EPB41L4A: variants seen among roughly 807,000 people sequenced by gnomAD.
EPB41L4A encodes the protein erythrocyte membrane protein band 4.1 like 4A.
In EPB41L4A, 100 loss-of-function variants were observed where a neutral mutation model predicts 108.6. That is an observed-to-expected ratio of 0.92 (90% CI 0.78 to 1.09). The LOEUF is 1.09. EPB41L4A is among the 50% of genes least tolerant of loss of function. The probability of loss-of-function intolerance (pLI) is 0.00; values close to 1 mark genes in which losing one functional copy is unlikely to be tolerated. For missense variants in EPB41L4A, 1,030 were observed against 842.7 expected, an observed-to-expected ratio of 1.22 and a Z score of -2.75; for synonymous variants, 319 against 289.0, an observed-to-expected ratio of 1.10 and a Z score of -1.05.
chr5:112,366,485 C>T (rs919096298), intron 1 of EPB41L4A, among the ~76,000 whole-genome samples: 2 of 152,056 alleles, frequency 1.3e-5, no homozygotes, highest in Non-Finnish European at 2.9e-5. Context: ...CAACACCACA[C>T]TTGGAAGAGC....
chr5:112,312,874 A>C (rs1284829469), intron 1 of EPB41L4A, among the ~76,000 whole-genome samples: 1 of 152,226 alleles, frequency 6.6e-6, no homozygotes, highest in East Asian at 1.9e-4. Context: ...CTTCAGGTCC[A>C]GAAGAAATCA....
intron 1 of EPB41L4A, among the ~76,000 whole-genome samples, chr5:112,341,174 G>C (rs1406957986): frequency 6.6e-6 from 1 of 152,036 alleles, no homozygotes; most frequent in Non-Finnish European, 1.5e-5. Context: ...ATGGGAACAG[G>C]GACTTTTCAG....
intron 15 of EPB41L4A, among the ~76,000 whole-genome samples, chr5:112,203,194 A>G (rs573439486): frequency 6.6e-6 from 1 of 152,082 alleles, no homozygotes; most frequent in South Asian, 2.1e-4. Flanking sequence ...TATCCCTACT[A>G]AAAATAAAAA....
chr5:112,200,987 C>G (rs1261730181), intron 15 of EPB41L4A, among the ~76,000 whole-genome samples: 18 of 152,112 alleles, frequency 1.2e-4, no homozygotes, highest in Non-Finnish European at 1.5e-5. Flanking sequence ...AATTTAAGTC[C>G]TTGAGATTCT....
intron 2 of EPB41L4A, among the ~76,000 whole-genome samples, chr5:112,297,018 C>T (rs1754033651): frequency 6.6e-6 from 1 of 150,378 alleles, no homozygotes; most frequent in African/African-American, 2.5e-5. Flanking sequence ...CACACACACA[C>T]ACCACAGTTT....
At chr5:112,392,587 A>C (rs932029834) in intron 1 of EPB41L4A, 2 of 152,142 alleles carry the variant, frequency 1.3e-5, no homozygotes, top group Non-Finnish European at 2.9e-5. Context: ...CAGATTCATA[A>C]AGCAAGTCCT....
chr5:112,182,379 T>A (rs1761203612), intron 18 of EPB41L4A, among the ~76,000 whole-genome samples: 1 of 152,198 alleles, frequency 6.6e-6, no homozygotes, highest in African/African-American at 2.4e-5. Flanking sequence ...ATTATAGTAA[T>A]AACAATTTTA....
chr5:112,164,906 G>T lies in EPB41L4A; in HGVS notation c.*84C>A. The T allele has an allele frequency of 3.2e-6, 4 of 1,269,822 alleles. No homozygotes were observed. Among genetic ancestry groups the T allele is most frequent in the South Asian group, 1.8e-5 (1 of 54,466 alleles). 78.7% of individuals were successfully genotyped at this position (1,269,822 alleles called of 1,614,324 possible). ...AGAAATACTTGCAGGTCTGAGATTT[G>T]AATTAAGATACCTATTTCACAGTTT... On this transcript the variant is annotated 3_prime_UTR_variant, in exon 23 of 23. Transcript: ENST00000261486.
At chr5:112,174,634 T>C (rs1458620012) in intron 18 of EPB41L4A, among the ~76,000 whole-genome samples, 1 of 152,170 alleles carries the variant, frequency 6.6e-6, no homozygotes, top group African/African-American at 2.4e-5. Context: ...ACTCCATCAC[T>C]GCATATAATC....
intron 1 of EPB41L4A, among the ~76,000 whole-genome samples, chr5:112,370,409 A>G (rs978911729): frequency 3.9e-5 from 6 of 152,048 alleles, no homozygotes. Flanking sequence ...TTCTTTAAAA[A>G]TATTTTTCCT....
intron 12 of EPB41L4A, among the ~76,000 whole-genome samples, chr5:112,231,231 G>A (rs1748895975): frequency 6.6e-6 from 1 of 152,122 alleles, no homozygotes; most frequent in Non-Finnish European, 1.5e-5. Flanking sequence ...AAATGGCATT[G>A]TTTAGGAACA....
intron 9 of EPB41L4A, among the ~76,000 whole-genome samples, chr5:112,244,992 C>T (rs1162890801): frequency 6.6e-6 from 1 of 151,678 alleles, no homozygotes; most frequent in Non-Finnish European, 1.5e-5. Flanking sequence ...GACACAGTGA[C>T]ACGAAGTGAG....
chr5:112,386,255 C>A (rs902021329), intron 1 of EPB41L4A, among the ~76,000 whole-genome samples: 1 of 152,164 alleles, frequency 6.6e-6, no homozygotes, highest in African/African-American at 2.4e-5. Context: ...ACCTTGTAAA[C>A]CCAGCCTACA....
chr5:112,360,981 G>T (rs1332051352), intron 1 of EPB41L4A, among the ~76,000 whole-genome samples: 1 of 152,188 alleles, frequency 6.6e-6, no homozygotes, highest in Non-Finnish European at 1.5e-5. Context: ...TGAGAAGTGA[G>T]GAGCCCCTCC....
chr5:112,308,773 T>A (rs189433616), intron 1 of EPB41L4A, among the ~76,000 whole-genome samples: 2 of 152,326 alleles, frequency 1.3e-5, no homozygotes, highest in Admixed American at 1.3e-4. Context: ...ATATGTATAC[T>A]CATAATTACA....
At chr5:112,181,928 T>G (rs1761177677) in intron 18 of EPB41L4A, among the ~76,000 whole-genome samples, 2 of 151,796 alleles carry the variant, frequency 1.3e-5, no homozygotes, top group African/African-American at 4.8e-5. Context: ...GAAAAATTAG[T>G]TGGGTGTTAT....
At chr5:112,148,033 C>T (rs1169711482) in intron 12 of EPB41L4A, among the ~76,000 whole-genome samples, 1 of 150,366 alleles carries the variant, frequency 6.7e-6, no homozygotes, top group East Asian at 1.9e-4. Context: ...AGTGAAAAAA[C>T]AAAAATAAAT....
Position 112,170,997 on chromosome 5 carries a change from A to T in EPB41L4A, c.1623-5T>A, listed in dbSNP as rs1760548483. 1 of 1,612,212 alleles carries T rather than the reference A, an allele frequency of 6.2e-7. No homozygotes were observed. The highest frequency in any genetic ancestry group is 1.7e-5 in the Admixed American group (1 of 59,984). On this transcript the variant is annotated splice_region_variant and splice_polypyrimidine_tract_variant and intron_variant, in intron 18 of 22. Coordinates refer to ENST00000261486, the MANE Select transcript of EPB41L4A (RefSeq NM_022140.5). ...GCTTGGATATCGGGGCTTCTCCTAT[A>T]AATAGAGAAAACAACATTCATCTCT... is the stretch of plus-strand genomic sequence containing the variant.
Position 112,194,596 on chromosome 5 carries a change from T to C in EPB41L4A, c.1474A>G (p.Asn492Asp). Residue 492 changes from asparagine (N) to aspartate (D), a missense_variant, in exon 17 of 23, where the codon AAT (asparagine) becomes GAT (aspartate). Transcript: ENST00000261486. The part of the protein sequence containing the change: ...TSSGSESENS[N>D]REYRKKRNRI... ...TTTCTCTTTTTCCGGTATTCTCTAT[T>C]AGAATTTTCTGATTCACTACCACTG... is the stretch of plus-strand genomic sequence containing the variant. 1 of 1,605,062 alleles carries C rather than the reference T, an allele frequency of 6.2e-7. No homozygotes were observed.
Sources: gnomAD v4.1 joint callset for allele counts (sites outside exome capture counted in the v4.1 genomes callset) on GRCh38, gnomAD v4.1.1 for gene constraint, MANE v1.5 for transcripts, NCBI Gene and HGNC (gene_info 2026-07-23, HGNC 2026-07-21) for gene names.